S1PR5: variants seen among roughly 807,000 people sequenced by gnomAD.
S1PR5 encodes sphingosine 1-phosphate receptor 5.
For missense variants in S1PR5, 583 were observed against 571.7 expected, an observed-to-expected ratio of 1.02 and a Z score of -0.20; for synonymous variants, 307 against 284.7, an observed-to-expected ratio of 1.08 and a Z score of -0.79.
Position 10,514,302 on chromosome 19 carries a change from G to C in S1PR5, c.710C>G (p.Ser237Trp), listed in dbSNP as rs762482979. The change falls in exon 2 of 2, where the codon TCG (serine) becomes TGG (tryptophan). Residue 237 changes from serine to tryptophan, a missense_variant. Coordinates refer to ENST00000333430, the MANE Select transcript of S1PR5 (RefSeq NM_030760.5). ...GCGCGGCTTGCGACGCGCCCGGGTC[G>C]AGGTGGTCCCCGCAGTCCCGGGCCG... ...PARPGTAGTT[S>W]TRARRKPRSL... 3.2e-6 allele frequency: 5 copies of C among 1,567,488 alleles called. No individual in the cohort carries two copies. The highest frequency in any genetic ancestry group is 4.3e-6 in the Non-Finnish European group (5 of 1,157,132).
Position 10,514,352 on chromosome 19 carries a change from G to A in S1PR5, c.660C>T (p.Arg220=). The A allele has an allele frequency of 1.3e-6, 2 of 1,573,012 alleles. No individual in the cohort carries two copies. The highest frequency in any genetic ancestry group is 1.7e-6 in the Non-Finnish European group (2 of 1,161,168). The change falls in exon 2 of 2, where the codon CGC becomes CGT. Residue 220 remains arginine, a synonymous_variant. Coordinates refer to ENST00000333430, the MANE Select transcript of S1PR5 (RefSeq NM_030760.5). ...ALYARIYCQV[R]ANARRLPARP... is the part of the protein sequence containing the mutation. Reference sequence around the variant, plus strand: ...GTGCCGGCAGGCGCCGCGCGTTGGCGCGTACCTGGCAGTAGATGCGCGCGT... The same window carrying A: ...GTGCCGGCAGGCGCCGCGCGTTGGCACGTACCTGGCAGTAGATGCGCGCGT...
Position 10,514,794 on chromosome 19 carries a change from A to G in S1PR5, c.218T>C (p.Leu73Pro), listed in dbSNP as rs761548591. 3.0e-4 allele frequency: 479 copies of G among 1,613,108 alleles called. No individual in the cohort carries two copies. The highest frequency in any genetic ancestry group is 3.8e-4 in the Non-Finnish European group (448 of 1,179,818). ...RHPRFHAPMF[L>P]LLGSLTLSDL... The stretch of plus-strand genomic sequence containing the variant: ...CGACAACGTGAGGCTGCCCAGGAGC[A>G]GGAACATGGGAGCGTGGAAGCGCGG... Residue 73 changes from leucine (L) to proline (P), a missense_variant, in exon 2 of 2, where the codon CTG becomes CCG. Physicochemically the swap from Leu to Pro is moderately conservative, Grantham distance 98 (BLOSUM62 -3). Coordinates refer to ENST00000333430, the MANE Select transcript of S1PR5 (RefSeq NM_030760.5).
Position 10,514,332 on chromosome 19 carries a change from G to T in S1PR5, c.680C>A (p.Pro227Gln). The change falls in exon 2 of 2, where the codon CCG (proline) becomes CAG (glutamine). Residue 227 changes from proline (P) to glutamine (Q), a missense_variant. Transcript: ENST00000333430. ...GGTCCCCGCAGTCCCGGGCCGTGCC[G>T]GCAGGCGCCGCGCGTTGGCGCGTAC... ...CQVRANARRLPARPGTAGTTS... is the reference protein window; with the variant it reads ...CQVRANARRLQARPGTAGTTS... 2 of 1,564,338 alleles carry T rather than the reference G, an allele frequency of 1.3e-6. No homozygotes were observed. Among genetic ancestry groups the T allele is most frequent in the South Asian group, 2.3e-5 (2 of 85,868 alleles).
upstream of S1PR5, chr19:10,517,458 C>A (rs1020658897): frequency 2.6e-5 from 26 of 985,514 alleles, no homozygotes; most frequent in Non-Finnish European, 3.0e-5. Context: ...GAGCGGACGC[C>A]GCTCCGGGGG....
At chr19:10,515,917 GC>G (rs1915428528) in intron 1 of S1PR5, among the ~76,000 whole-genome samples, 1 of 151,836 alleles carries the variant, frequency 6.6e-6, no homozygotes, top group African/African-American at 2.4e-5. Flanking sequence ...GGACAACAGA[GC>G]AAGACTTTGT....
At position 10,514,082 on chromosome 19, in the gene S1PR5, G is replaced by A; in HGVS notation, c.930C>T (p.Asn310=). 5.0e-6 allele frequency: 8 copies of A among 1,612,764 alleles called. No homozygotes were observed. The highest frequency in any genetic ancestry group is 6.8e-6 in the Non-Finnish European group (8 of 1,179,794). Residue 310 remains asparagine, a synonymous_variant, in exon 2 of 2, where the codon AAC becomes AAT. Transcript: ENST00000333430. ...GCAGGAGCGCGTGGCGCAGGTCGCG[G>A]TTGGTGAGCGTGTAGATGATGGGGT... ...LLNPIIYTLT[N]RDLRHALLRL...
At position 10,513,840 on chromosome 19, in the gene S1PR5, A is replaced by G. The variant is rs1915344856; in HGVS notation, c.1172T>C (p.Leu391Pro). The G allele has an allele frequency of 6.2e-7, 1 of 1,612,678 alleles. No homozygotes were observed. The highest frequency in any genetic ancestry group is 8.5e-7 in the Non-Finnish European group (1 of 1,179,840). ...SPGAPTAART[L>P]VSEPAAD The stretch of plus-strand genomic sequence containing the variant: ...TCAGTCTGCAGCCGGTTCTGATACC[A>G]GAGTCCGGGCGGCTGTGGGTGCACC... The change falls in exon 2 of 2, where the codon CTG becomes CCG. Residue 391 changes from leucine to proline, a missense_variant. By Grantham distance (98) the Leu-to-Pro change is moderately conservative. Transcript: ENST00000333430.
upstream of S1PR5, chr19:10,517,590 C>T (rs892269231): frequency 1.1e-5 from 11 of 985,436 alleles, no homozygotes; most frequent in African/African-American, 1.0e-4. Context: ...CTGTGCCACT[C>T]GCCGCGGCAC....
chr19:10,515,066 C>T (rs757006860), intron 1 of S1PR5, 37 bp from the exon 2 acceptor site: 4 of 1,509,536 alleles, frequency 2.6e-6, no homozygotes, highest in Non-Finnish European at 3.5e-6. Context: ...AGGCCGCGGT[C>T]CCCGTAAGCA....
chr19:10,514,319 C>A lies in S1PR5; in HGVS notation c.693G>T (p.Gly231=). ...CCCGGGTCGAGGTGGTCCCCGCAGTCCCGGGCCGTGCCGGCAGGCGCCGCG... is the reference window on the plus strand; with the variant it reads ...CCCGGGTCGAGGTGGTCCCCGCAGTACCGGGCCGTGCCGGCAGGCGCCGCG... ...ANARRLPARP[G]TAGTTSTRAR... The change falls in exon 2 of 2, where the codon GGG becomes GGT. Residue 231 remains glycine (G), a synonymous_variant. Transcript: ENST00000333430. 1 of 1,567,966 alleles carries A rather than the reference C, an allele frequency of 6.4e-7. No homozygotes were observed. Among genetic ancestry groups the A allele is most frequent in the South Asian group, 1.2e-5 (1 of 86,326 alleles).
At position 10,514,265 on chromosome 19, in the gene S1PR5, CA is replaced by C. The variant is rs1431697784; in HGVS notation, c.746del (p.Leu249CysfsTer53). ...GGAGCACCACGCTGAGCGTGCGCAG[CA>C]AGGCCAGCGAGCGCGGCTTGCGACG... is the stretch of plus-strand genomic sequence containing the variant. The part of the protein sequence containing the change: ...RARRKPRSLA[L>X]LRTLSVVLLA... On this transcript the variant is annotated frameshift_variant, in exon 2 of 2. Coordinates refer to ENST00000333430, the MANE Select transcript of S1PR5 (RefSeq NM_030760.5). LOFTEE classifies it low-confidence loss of function (END_TRUNC). 3 of 1,587,240 alleles carry C rather than the reference CA, an allele frequency of 1.9e-6. No homozygotes were observed. The highest frequency in any genetic ancestry group is 2.6e-6 in the Non-Finnish European group (3 of 1,167,512).
upstream of S1PR5, chr19:10,517,649 C>A (rs1041685360): frequency 1.1e-5 from 11 of 985,426 alleles, no homozygotes; most frequent in Non-Finnish European, 1.3e-5. Context: ...TCAGCTGCCC[C>A]CTCCGGGCCT....
upstream of S1PR5, chr19:10,517,710 G>T: frequency 1.0e-6 from 1 of 985,564 alleles, no homozygotes; most frequent in East Asian, 1.1e-4. Context: ...TCGGAGAGGC[G>T]GGAAAGGGAG....
Position 10,514,275 on chromosome 19 carries a change from G to C in S1PR5, c.737C>G (p.Ser246Trp), listed in dbSNP as rs1304114124. 1.3e-6 allele frequency: 2 copies of C among 1,580,466 alleles called. No individual in the cohort carries two copies. The highest frequency in any genetic ancestry group is 2.3e-5 in the South Asian group (2 of 87,940). ...GCTGAGCGTGCGCAGCAAGGCCAGC[G>C]AGCGCGGCTTGCGACGCGCCCGGGT... is the stretch of plus-strand genomic sequence containing the variant. ...TSTRARRKPR[S>W]LALLRTLSVV... Residue 246 changes from serine (S) to tryptophan (W), a missense_variant, in exon 2 of 2, where the codon TCG becomes TGG. Coordinates refer to ENST00000333430, the MANE Select transcript of S1PR5 (RefSeq NM_030760.5).
rs199585523 is a variant in S1PR5, at chr19:10,514,357, C to G, written c.655G>C (p.Val219Leu). 6.3e-7 allele frequency: 1 copy of G among 1,578,888 alleles called. No individual in the cohort carries two copies. Among genetic ancestry groups the G allele is most frequent in the Admixed American group, 1.9e-5 (1 of 53,070 alleles). The change falls in exon 2 of 2, where the codon GTA (valine) becomes CTA (leucine). Residue 219 changes from valine to leucine, a missense_variant. Val to Leu is a conservative substitution (Grantham distance 32, BLOSUM62 1). Coordinates refer to ENST00000333430, the MANE Select transcript of S1PR5 (RefSeq NM_030760.5). ...CALYARIYCQ[V>L]RANARRLPAR... ...GGCAGGCGCCGCGCGTTGGCGCGTACCTGGCAGTAGATGCGCGCGTAGAGT... is the reference window on the plus strand; with the variant it reads ...GGCAGGCGCCGCGCGTTGGCGCGTAGCTGGCAGTAGATGCGCGCGTAGAGT...
chr19:10,514,339 G>A lies in S1PR5; in HGVS notation c.673C>T (p.Arg225Cys). 1 of 1,564,962 alleles carries A rather than the reference G, an allele frequency of 6.4e-7. No homozygotes were observed. The highest frequency in any genetic ancestry group is 8.6e-7 in the Non-Finnish European group (1 of 1,156,548). ...IYCQVRANARRLPARPGTAGT... is the reference protein window; with the variant it reads ...IYCQVRANARCLPARPGTAGT... ...GCAGTCCCGGGCCGTGCCGGCAGGC[G>A]CCGCGCGTTGGCGCGTACCTGGCAG... The change falls in exon 2 of 2, where the codon CGC (arginine) becomes TGC (cysteine). Residue 225 changes from arginine to cysteine, a missense_variant. Coordinates refer to ENST00000333430, the MANE Select transcript of S1PR5 (RefSeq NM_030760.5).
chr19:10,514,016 C>G lies in S1PR5; in HGVS notation c.996G>C (p.Pro332=), dbSNP rs1289124803. 6.2e-7 allele frequency: 1 copy of G among 1,608,852 alleles called. No homozygotes were observed. Among genetic ancestry groups the G allele is most frequent in the East Asian group, 2.2e-5 (1 of 44,802 alleles). ...CCGRHSCGRD[P]SGSQQSASAA... ...CGCTCGCCGACTGCTGGGAGCCACT[C>G]GGGTCTCTGCCGCAGGAGTGGCGTC... The change falls in exon 2 of 2, where the codon CCG becomes CCC. Residue 332 remains proline, a synonymous_variant. Coordinates refer to ENST00000333430, the MANE Select transcript of S1PR5 (RefSeq NM_030760.5).
Position 10,514,565 on chromosome 19 carries a change from C to G in S1PR5, c.447G>C (p.Gly149=). ...RRGPAPVSSR[G]RTLAMAAAAW... is the part of the protein sequence containing the mutation. The stretch of plus-strand genomic sequence containing the variant: ...CCGCGGCTGCCATCGCCAGCGTGCG[C>G]CCCCGACTGGAGACGGGCGCGGGCC... The change falls in exon 2 of 2, where the codon GGG becomes GGC. Residue 149 remains glycine (G), a synonymous_variant. Coordinates refer to ENST00000333430, the MANE Select transcript of S1PR5 (RefSeq NM_030760.5). The G allele has an allele frequency of 1.3e-6, 2 of 1,577,914 alleles. No homozygotes were observed. The highest frequency in any genetic ancestry group is 1.7e-6 in the Non-Finnish European group (2 of 1,163,402).
At chr19:10,516,496 AC>A (rs1247160504) in intron 1 of S1PR5, among the ~76,000 whole-genome samples, 2 of 150,976 alleles carry the variant, frequency 1.3e-5, no homozygotes. Context: ...AGTCCCAGCT[AC>A]TCAAGAGACT....
Sources: allele counts gnomAD v4.1 joint callset (sites outside exome capture counted in the v4.1 genomes callset), GRCh38; gene constraint gnomAD v4.1.1; transcripts MANE v1.5; gene names NCBI Gene and HGNC (gene_info 2026-07-23, HGNC 2026-07-21).